The following NAV2 variants were observed in gnomAD, a reference collection of about 807,000 sequenced individuals.
NAV2 encodes neuron navigator 2.
NAV2 carries 54 observed loss-of-function variants against 223.2 expected under a neutral mutation model. The ratio of observed to expected loss-of-function variants is 0.24; its 90% CI spans 0.19 to 0.30. NAV2 has a LOEUF of 0.30. Among genes scored for constraint, NAV2 ranks in the 10% least tolerant of loss-of-function variants. The probability of loss-of-function intolerance (pLI) is 1.00; values close to 1 mark genes in which losing one functional copy is unlikely to be tolerated. For missense variants in NAV2, 2,806 were observed against 3,147.5 expected, an observed-to-expected ratio of 0.89 and a Z score of 2.60; for synonymous variants, 1,279 against 1,239.3, an observed-to-expected ratio of 1.03 and a Z score of -0.67.
intron 5 of NAV2, among the ~76,000 whole-genome samples, chr11:19,890,438 C>A (rs763888007): frequency 3.3e-5 from 5 of 152,210 alleles, no homozygotes; most frequent in Non-Finnish European, 7.3e-5. Flanking sequence ...TGAAAGAATG[C>A]ATCTTTTCCC....
chr11:19,709,958 T>C (rs1219853552), upstream of NAV2, among the ~76,000 whole-genome samples: 5 of 152,176 alleles, frequency 3.3e-5, no homozygotes, highest in East Asian at 5.8e-4. Flanking sequence ...AATTTAGTTA[T>C]ATAAAACACA....
At chr11:19,833,344 A>T (rs1227802048) in intron 2 of NAV2, among the ~76,000 whole-genome samples, 4 of 152,224 alleles carry the variant, frequency 2.6e-5, no homozygotes, top group Non-Finnish European at 5.9e-5. Flanking sequence ...CCTCTCTGGC[A>T]TGTTGTTGTG....
At chr11:19,588,004 C>G (rs1751464987) in intron 1 of NAV2, among the ~76,000 whole-genome samples, 2 of 152,208 alleles carry the variant, frequency 1.3e-5, no homozygotes, top group Non-Finnish European at 2.9e-5. Context: ...CCATCTTTGT[C>G]TGCAAATCTC....
chr11:20,008,913 C>T (rs1367585921), intron 11 of NAV2, among the ~76,000 whole-genome samples: 3 of 152,106 alleles, frequency 2.0e-5, no homozygotes, highest in Non-Finnish European at 2.9e-5. Flanking sequence ...TTCTTTTCCT[C>T]GACTGCTGTA....
intron 27 of NAV2, 114 bp from the exon 28 acceptor site, chr11:20,092,092 C>G: frequency 3.0e-6 from 3 of 986,660 alleles, no homozygotes; most frequent in Non-Finnish European, 4.7e-6. Context: ...TGTTGTTCGC[C>G]TTGGGTGGAA....
chr11:19,509,609 A>G (rs1475361936), intron 1 of NAV2, among the ~76,000 whole-genome samples: 1 of 152,240 alleles, frequency 6.6e-6, no homozygotes, highest in African/African-American at 2.4e-5. Flanking sequence ...TTCCTAGGTG[A>G]GAGCAGGCAC....
intron 6 of NAV2, among the ~76,000 whole-genome samples, chr11:19,914,672 G>A: frequency 6.6e-6 from 1 of 151,692 alleles, no homozygotes; most frequent in Non-Finnish European, 1.5e-5. Flanking sequence ...AGCCTCCCGA[G>A]TAGCTGGGAC....
intron 1 of NAV2, chr11:19,518,294 C>T (rs2043525953): frequency 6.6e-6 from 1 of 152,244 alleles, no homozygotes; most frequent in Non-Finnish European, 1.5e-5. Context: ...AAAGGGGAAA[C>T]AGCCTACCCT....
chr11:19,946,776 C>T (rs1331229036), intron 9 of NAV2, among the ~76,000 whole-genome samples: 1 of 152,200 alleles, frequency 6.6e-6, no homozygotes, highest in Non-Finnish European at 1.5e-5. Flanking sequence ...TTAAATTTCA[C>T]TTTACTTGCA....
chr11:19,761,181 G>T (rs1313331832), intron 1 of NAV2, among the ~76,000 whole-genome samples: 1 of 152,094 alleles, frequency 6.6e-6, no homozygotes, highest in Non-Finnish European at 1.5e-5. Flanking sequence ...GGGCAGTCTG[G>T]AGGCCTTTTT....
intron 1 of NAV2, among the ~76,000 whole-genome samples, chr11:19,622,496 T>A (rs2047028250): frequency 6.6e-6 from 1 of 152,214 alleles, no homozygotes; most frequent in Non-Finnish European, 1.5e-5. Context: ...AATTGATCCC[T>A]TTACCATTAT....
chr11:19,649,588 T>C (rs2135632867), intron 1 of NAV2, among the ~76,000 whole-genome samples: 1 of 152,286 alleles, frequency 6.6e-6, no homozygotes, highest in South Asian at 2.1e-4. Flanking sequence ...TGGGGCCTCT[T>C]TTATAAGTGC....
chr11:20,046,299 G>A (rs2057416245), intron 14 of NAV2, among the ~76,000 whole-genome samples: 1 of 149,036 alleles, frequency 6.7e-6, no homozygotes, highest in Non-Finnish European at 1.5e-5. Context: ...TCACACCACT[G>A]CACTCCAGCC....
chr11:19,421,450 G>T (rs1234049977), intron 1 of NAV2, among the ~76,000 whole-genome samples: 1 of 152,192 alleles, frequency 6.6e-6, no homozygotes, highest in African/African-American at 2.4e-5. Context: ...GTGTCACTTG[G>T]ATGAACAGTT....
At chr11:19,366,304 C>T (rs1466397581) in intron 1 of NAV2, among the ~76,000 whole-genome samples, 1 of 152,208 alleles carries the variant, frequency 6.6e-6, no homozygotes, top group Non-Finnish European at 1.5e-5. Flanking sequence ...CTGTGCCCCT[C>T]TGTGGAGCCC....
At chr11:19,651,828 C>CTTAG (rs2047976087) in intron 1 of NAV2, among the ~76,000 whole-genome samples, 1 of 152,188 alleles carries the variant, frequency 6.6e-6, no homozygotes, top group Non-Finnish European at 1.5e-5. Context: ...AGCCATCCAC[C>CTTAG]TTAGCCCTCA....
At chr11:20,058,621 T>C (rs2058508597) in intron 19 of NAV2, among the ~76,000 whole-genome samples, 1 of 152,236 alleles carries the variant, frequency 6.6e-6, no homozygotes, top group Non-Finnish European at 1.5e-5. Flanking sequence ...GCACAGAAGC[T>C]TATTAATCAA....
In NAV2 at chr11:19,940,482, C is replaced by T. The variant is rs532016182; in HGVS notation, c.2146+709C>T. Reference sequence around the variant, plus strand: ...TGCTATCTTCTCTGTCTCTTTTCCCCATTCCAAAACTCTGTGTCCCAAGCT... The same window carrying T: ...TGCTATCTTCTCTGTCTCTTTTCCCTATTCCAAAACTCTGTGTCCCAAGCT... On this transcript the variant is annotated intron_variant, in intron 8 of 37. Transcript: ENST00000349880. Among the ~76,000 whole-genome samples, 16 of 152,282 alleles carry T rather than the reference C, an allele frequency of 1.1e-4. 1 individual carries two copies. Among genetic ancestry groups the T allele is most frequent in the African/African-American group, 3.9e-4 (16 of 41,548 alleles).
intron 1 of NAV2, among the ~76,000 whole-genome samples, chr11:19,803,076 T>C (rs1005334754): frequency 2.0e-5 from 3 of 152,200 alleles, no homozygotes; most frequent in African/African-American, 4.8e-5. Flanking sequence ...TCTGCTCTTG[T>C]GCAAAATTTC....
Sources: allele counts gnomAD v4.1 joint callset (sites outside exome capture counted in the v4.1 genomes callset), GRCh38; gene constraint gnomAD v4.1.1; transcripts MANE v1.5; gene names NCBI Gene and HGNC (gene_info 2026-07-23, HGNC 2026-07-21).